ANXA4: variants seen among roughly 807,000 people sequenced by gnomAD.
ANXA4 encodes annexin A4, also known as 35-beta calcimedin.
A neutral mutation model predicts 49.8 loss-of-function variants in ANXA4; 39 were observed. That is an observed-to-expected ratio of 0.78 (90% CI 0.61 to 1.02). The LOEUF (loss-of-function observed/expected upper bound fraction) is 1.02, where lower values mean the gene tolerates loss of function less well. Among genes scored for constraint, ANXA4 ranks in the 50% least tolerant of loss-of-function variants. ANXA4 has a pLI of 0.00. For missense variants in ANXA4, 360 were observed against 410.1 expected, an observed-to-expected ratio of 0.88 and a Z score of 1.05; for synonymous variants, 134 against 152.5, an observed-to-expected ratio of 0.88 and a Z score of 0.89.
intron 8 of ANXA4, chr2:69,815,796 G>T: frequency 3.2e-6 from 1 of 310,030 alleles, no homozygotes; most frequent in Non-Finnish European, 6.1e-6. Flanking sequence ...CATGTGGTTA[G>T]TGGCAACTGT....
At chr2:69,691,590 C>G (rs1677970292) in intron 2 of ANXA4, among the ~76,000 whole-genome samples, 1 of 152,030 alleles carries the variant, frequency 6.6e-6, no homozygotes, top group Non-Finnish European at 1.5e-5. Context: ...CACACACACA[C>G]ACACACACAG....
intron 2 of ANXA4, among the ~76,000 whole-genome samples, chr2:69,699,421 C>G (rs1678261917): frequency 6.6e-6 from 1 of 152,106 alleles, no homozygotes; most frequent in Admixed American, 6.5e-5. Context: ...GGGAGGATCA[C>G]TTGAGCCCAG....
At chr2:69,740,413 T>C (rs1453700485), upstream of ANXA4, among the ~76,000 whole-genome samples, 14 of 152,060 alleles carry the variant, frequency 9.2e-5, no homozygotes, top group Non-Finnish European at 1.5e-4. Context: ...TCATTTTTTT[T>C]CCTACTGTTT....
At chr2:69,710,678 C>G (rs764570880) in intron 2 of ANXA4, among the ~76,000 whole-genome samples, 3 of 152,086 alleles carry the variant, frequency 2.0e-5, no homozygotes, top group Non-Finnish European at 4.4e-5. Context: ...CAAAGAAGAT[C>G]TACTTAAGGC....
At chr2:69,665,372 A>G (rs1200523019) in intron 2 of ANXA4, among the ~76,000 whole-genome samples, 1 of 152,160 alleles carries the variant, frequency 6.6e-6, no homozygotes, top group Non-Finnish European at 1.5e-5. Context: ...AGATGACTCC[A>G]GCATTATCCC....
chr2:69,807,048 G>A (rs1054878165), intron 5 of ANXA4, among the ~76,000 whole-genome samples: 2 of 152,284 alleles, frequency 1.3e-5, no homozygotes, highest in South Asian at 4.1e-4. Context: ...CCTTCTGAGA[G>A]TAGCAGGTGT....
At chr2:69,754,080 A>T (rs1316737906) in intron 1 of ANXA4, among the ~76,000 whole-genome samples, 1 of 152,232 alleles carries the variant, frequency 6.6e-6, no homozygotes, top group Non-Finnish European at 1.5e-5. Context: ...ATGGAATATC[A>T]GATCTGGCCT....
At chr2:69,774,336 C>T (rs1309269717) in intron 1 of ANXA4, among the ~76,000 whole-genome samples, 3 of 123,814 alleles carry the variant, frequency 2.4e-5, no homozygotes, top group Non-Finnish European at 3.4e-5. Context: ...AGCCCCCCCC[C>T]CCCCTTTTTT....
At position 69,654,459 on chromosome 2, in the gene ANXA4, G is replaced by A. The variant is rs558228866; in HGVS notation, n.766+1177G>A. Among the ~76,000 whole-genome samples the A allele has an allele frequency of 4.6e-5, 7 of 152,186 alleles. No homozygotes were observed. The East Asian group carries it at 5.8e-4, about 13-fold the overall frequency. On this transcript the variant is annotated intron_variant and non_coding_transcript_variant, in intron 2 of 3. Transcript: ENST00000418066. ...CTCTTATTATTTTGAGATACATTCC[G>A]TCAATACCTAGTTTATTGAGAGTTT...
At chr2:69,662,287 A>G (rs1676750815) in intron 2 of ANXA4, among the ~76,000 whole-genome samples, 1 of 152,200 alleles carries the variant, frequency 6.6e-6, no homozygotes. Context: ...GTTTCCAGAA[A>G]GGATACTCCA....
chr2:69,724,176 A>C (rs1669896562), intron 3 of ANXA4, among the ~76,000 whole-genome samples: 1 of 152,236 alleles, frequency 6.6e-6, no homozygotes, highest in South Asian at 2.1e-4. Flanking sequence ...AACAATGGCT[A>C]TCCAAATACC....
At chr2:69,670,506 TAA>T (rs1367649513) in intron 2 of ANXA4, among the ~76,000 whole-genome samples, 1 of 145,996 alleles carries the variant, frequency 6.8e-6, no homozygotes, top group Non-Finnish European at 1.5e-5. Context: ...TGGTCCACAG[TAA>T]ACTTGAAGCA....
At chr2:69,691,979 G>A (rs576329679) in intron 2 of ANXA4, among the ~76,000 whole-genome samples, 15 of 152,246 alleles carry the variant, frequency 9.9e-5, no homozygotes, top group African/African-American at 2.9e-4. Context: ...TCCGCCTCCC[G>A]GGTTCAAACG....
At chr2:69,754,462 A>G (rs1481673269) in intron 1 of ANXA4, among the ~76,000 whole-genome samples, 1 of 152,134 alleles carries the variant, frequency 6.6e-6, no homozygotes, top group Non-Finnish European at 1.5e-5. Context: ...GGGTCTTGGT[A>G]TGTTACCCAG....
At chr2:69,810,800 C>A in intron 7 of ANXA4, 127 bp downstream of exon 7, 1 of 722,108 alleles carries the variant, frequency 1.4e-6, no homozygotes, top group Admixed American at 2.2e-5. Context: ...TCAGACCCCT[C>A]TGTTCCTTTA....
chr2:69,813,944 G>C (rs948858756), intron 8 of ANXA4, among the ~76,000 whole-genome samples: 1 of 151,508 alleles, frequency 6.6e-6, no homozygotes, highest in African/African-American at 2.4e-5. Flanking sequence ...TTTTAATAGA[G>C]ATAGGGTTTC....
intron 1 of ANXA4, among the ~76,000 whole-genome samples, chr2:69,766,945 C>T (rs1671517222): frequency 6.6e-6 from 1 of 152,212 alleles, no homozygotes; most frequent in South Asian, 2.1e-4. Context: ...AATTTCCCCT[C>T]TATTTCTACT....
At chr2:69,665,132 T>C (rs1230598492) in intron 2 of ANXA4, among the ~76,000 whole-genome samples, 3 of 152,022 alleles carry the variant, frequency 2.0e-5, no homozygotes, top group Non-Finnish European at 4.4e-5. Context: ...AAAGTACTGC[T>C]ATGTGACTTT....
chr2:69,674,619 T>C (rs937685030), intron 2 of ANXA4, among the ~76,000 whole-genome samples: 3 of 152,262 alleles, frequency 2.0e-5, no homozygotes, highest in Admixed American at 6.5e-5. Context: ...TTTATGCTTC[T>C]GTCTTTTTAC....
Sources: gnomAD v4.1 joint callset for allele counts (sites outside exome capture counted in the v4.1 genomes callset) on GRCh38, gnomAD v4.1.1 for gene constraint, MANE v1.5 for transcripts, NCBI Gene and HGNC (gene_info 2026-07-23, HGNC 2026-07-21) for gene names.